The following LNX1 variants were observed in gnomAD, a reference collection of about 807,000 sequenced individuals.
LNX1 encodes E3 ubiquitin-protein ligase LNX.
In LNX1, 54 loss-of-function variants were observed where a neutral mutation model predicts 68.4. The ratio of observed to expected loss-of-function variants is 0.79; its 90% confidence interval spans 0.63 to 0.99. The LOEUF (loss-of-function observed/expected upper bound fraction) is 0.99. LNX1 is among the 50% of genes least tolerant of loss of function. The probability of loss-of-function intolerance (pLI) is 0.00; values close to 1 mark genes in which losing one functional copy is unlikely to be tolerated. For missense variants in LNX1, 906 were observed against 926.4 expected, an observed-to-expected ratio of 0.98 and a Z score of 0.29; for synonymous variants, 336 against 350.0, an observed-to-expected ratio of 0.96 and a Z score of 0.45.
intron 6 of LNX1, among the ~76,000 whole-genome samples, chr4:53,485,030 G>C (rs1348175685): frequency 1.3e-5 from 2 of 152,164 alleles, no homozygotes; most frequent in Non-Finnish European, 2.9e-5. Flanking sequence ...AAAAGCCCAG[G>C]AAACAATCGT....
At chr4:53,608,599 A>G (rs1434758578) in intron 2 of LNX1, among the ~76,000 whole-genome samples, 1 of 152,200 alleles carries the variant, frequency 6.6e-6, no homozygotes, top group Non-Finnish European at 1.5e-5. Flanking sequence ...CGACCCAACA[A>G]TCCCATTTTT....
chr4:53,495,692 G>A (rs1428546301), intron 6 of LNX1, among the ~76,000 whole-genome samples: 1 of 152,036 alleles, frequency 6.6e-6, no homozygotes, highest in Non-Finnish European at 1.5e-5. Context: ...ACAGGCACCT[G>A]CCACCACACC....
At chr4:53,620,921 C>T (rs1165536117), upstream of LNX1, among the ~76,000 whole-genome samples, 1 of 152,104 alleles carries the variant, frequency 6.6e-6, no homozygotes, top group Admixed American at 6.6e-5. Context: ...TTCCAATAAA[C>T]TTAGAAAGCC....
intron 1 of LNX1, among the ~76,000 whole-genome samples, chr4:53,634,714 T>A (rs1012100379): frequency 3.3e-5 from 5 of 152,108 alleles, no homozygotes; most frequent in African/African-American, 1.2e-4. Context: ...GTAGTCCATT[T>A]CTCTCTGATC....
intron 2 of LNX1, among the ~76,000 whole-genome samples, chr4:53,521,344 T>C (rs565507667): frequency 6.6e-6 from 1 of 152,156 alleles, no homozygotes; most frequent in Non-Finnish European, 1.5e-5. Context: ...CCCAGACATT[T>C]GAAAACATTT....
At chr4:53,620,072 T>C (rs1733812200), upstream of LNX1, among the ~76,000 whole-genome samples, 3 of 152,254 alleles carry the variant, frequency 2.0e-5, no homozygotes, top group Admixed American at 2.0e-4. Flanking sequence ...GTGGCTTTTG[T>C]TAAACAACTG....
chr4:53,488,154 C>A (rs1228925896), intron 6 of LNX1, among the ~76,000 whole-genome samples: 1 of 152,230 alleles, frequency 6.6e-6, no homozygotes, highest in East Asian at 1.9e-4. Context: ...TGTTGTCACC[C>A]AGTTCATGCT....
At chr4:53,520,120 G>A (rs1462609712) in intron 2 of LNX1, among the ~76,000 whole-genome samples, 2 of 152,226 alleles carry the variant, frequency 1.3e-5, no homozygotes, top group African/African-American at 4.8e-5. Context: ...GTACCTCCCA[G>A]TGTGCGCTCA....
At chr4:53,580,157 T>C (rs1446250049) in intron 1 of LNX1, among the ~76,000 whole-genome samples, 1 of 152,198 alleles carries the variant, frequency 6.6e-6, no homozygotes, top group Non-Finnish European at 1.5e-5. Flanking sequence ...CTTTGATTAA[T>C]AGAGGAAAAA....
intron 2 of LNX1, among the ~76,000 whole-genome samples, chr4:53,536,887 A>G (rs1347983729): frequency 2.6e-5 from 4 of 152,246 alleles, no homozygotes; most frequent in African/African-American, 9.6e-5. Flanking sequence ...ATATTTTAGT[A>G]TAGATGTAGA....
intron 1 of LNX1, among the ~76,000 whole-genome samples, chr4:53,632,744 G>A (rs1308884630): frequency 6.6e-6 from 1 of 152,140 alleles, no homozygotes; most frequent in Non-Finnish European, 1.5e-5. Context: ...AATTATATTG[G>A]GATCTGTATC....
chr4:53,604,839 G>C (rs1733162463), intron 2 of LNX1, among the ~76,000 whole-genome samples: 1 of 152,218 alleles, frequency 6.6e-6, no homozygotes, highest in South Asian at 2.1e-4. Context: ...CCTTTCTCAA[G>C]AAAAGAGGCT....
At chr4:53,576,459 C>T in intron 1 of LNX1, 1 of 1,400,626 alleles carries the variant, frequency 7.1e-7, no homozygotes, top group Non-Finnish European at 9.3e-7. Context: ...GTGCAGCTGA[C>T]TCTTCCCAGG....
intron 2 of LNX1, among the ~76,000 whole-genome samples, chr4:53,530,473 A>C (rs1312682311): frequency 6.6e-6 from 1 of 152,254 alleles, no homozygotes; most frequent in Non-Finnish European, 1.5e-5. Context: ...TTATATTTTC[A>C]TGTATCAAAT....
intron 6 of LNX1, among the ~76,000 whole-genome samples, chr4:53,485,043 A>C (rs571900777): frequency 6.6e-6 from 1 of 152,360 alleles, no homozygotes; most frequent in Admixed American, 6.5e-5. Flanking sequence ...ACAATCGTGA[A>C]GAAAGCTGAC....
intron 6 of LNX1, among the ~76,000 whole-genome samples, chr4:53,484,512 G>A (rs772239025): frequency 1.4e-4 from 21 of 151,932 alleles, no homozygotes; most frequent in Non-Finnish European, 2.4e-4. Flanking sequence ...GCAGCGAACC[G>A]AGATTGTGGC....
chr4:53,580,667 A>G (rs1337670413), intron 1 of LNX1, among the ~76,000 whole-genome samples: 2 of 152,238 alleles, frequency 1.3e-5, no homozygotes, highest in Admixed American at 6.5e-5. Context: ...ATGGCTATGA[A>G]TGAAGCTTAG....
At chr4:53,470,510 A>C (rs1723080049) in intron 9 of LNX1, among the ~76,000 whole-genome samples, 1 of 152,170 alleles carries the variant, frequency 6.6e-6, no homozygotes, top group South Asian at 2.1e-4. Flanking sequence ...AAGGAGAAGG[A>C]AATAAAGGGC....
chr4:53,615,644 G>T (rs1437184622), intron 2 of LNX1, among the ~76,000 whole-genome samples: 1 of 152,150 alleles, frequency 6.6e-6, no homozygotes, highest in Non-Finnish European at 1.5e-5. Context: ...AAAGGTTGTT[G>T]TTTTAAGGTA....
Sources: allele counts gnomAD v4.1 joint callset (sites outside exome capture counted in the v4.1 genomes callset), GRCh38; gene constraint gnomAD v4.1.1; transcripts MANE v1.5; gene names NCBI Gene and HGNC (gene_info 2026-07-23, HGNC 2026-07-21).